The following TENM2 variants were observed in gnomAD, a reference collection of about 807,000 sequenced individuals.
TENM2 encodes teneurin transmembrane protein 2.
In TENM2, 52 loss-of-function variants were observed where a neutral mutation model predicts 245.2. The observed-to-expected ratio is 0.21, with a 90% CI of 0.17 to 0.27. The LOEUF (loss-of-function observed/expected upper bound fraction) is 0.27. TENM2 is among the 10% of genes least tolerant of loss of function. The probability of loss-of-function intolerance (pLI) is 1.00; values close to 1 mark genes in which losing one functional copy is unlikely to be tolerated. For missense variants in TENM2, 3,046 were observed against 3,666.8 expected (o/e 0.83, Z 4.37); for synonymous variants, 1,363 against 1,438.9 (o/e 0.95, Z 1.19).
rs1273475085 is a variant in TENM2, at chr5:167,624,979, T to G, written c.502+249506T>G. 5.9e-5 allele frequency among the ~76,000 whole-genome samples: 9 copies of G among 152,314 alleles called. No individual in the cohort carries two copies. The South Asian group carries it at 1.9e-3, about 32-fold the overall frequency. On this transcript the variant is annotated intron_variant, in intron 2 of 28. Transcript: ENST00000518659. The stretch of plus-strand genomic sequence containing the variant: ...CCCTCTTAACTAAGTCCACTTCCTC[T>G]TCTTTAATCACCTAGTTCTGAGTTA...
At chr5:166,984,208 A>G in the TENM2 span, among the ~76,000 whole-genome samples, 1 of 152,138 alleles carries the variant, frequency 6.6e-6, no homozygotes. Context: ...TCCAAAGAAT[A>G]AGTCATTTCT....
At position 167,806,086 on chromosome 5, in the gene TENM2, C is replaced by T. The variant is rs1016925259; in HGVS notation, c.503-69900C>T. Among the ~76,000 whole-genome samples the T allele has an allele frequency of 9.2e-5, 14 of 152,180 alleles. 1 individual carries two copies. Among genetic ancestry groups the T allele is most frequent in the East Asian group, 7.7e-4 (4 of 5,182 alleles). On this transcript the variant is annotated intron_variant, in intron 2 of 28. Coordinates refer to ENST00000518659, the Ensembl canonical transcript of TENM2. ...AGGTGCAGAAATTTAGGTAAGCCACCGGATGCCACGGTAGGCTGTGAGAGG... is the reference window on the plus strand; with the variant it reads ...AGGTGCAGAAATTTAGGTAAGCCACTGGATGCCACGGTAGGCTGTGAGAGG...
rs1786039618 is a variant in TENM2, at chr5:168,020,401, CTTGT to C, written c.1187-27023_1187-27020del. On this transcript the variant is annotated intron_variant, in intron 5 of 28. Coordinates refer to ENST00000518659, the Ensembl canonical transcript of TENM2. Reference sequence around the variant, plus strand: ...GCTTCTTGTGGAAGTTAATTTTGTGCTTGTTTAACATTTTTAATTGGCCCAACAT... The same window carrying C: ...GCTTCTTGTGGAAGTTAATTTTGTGCTTAACATTTTTAATTGGCCCAACAT... Among the ~76,000 whole-genome samples, 4 of 152,276 alleles carry C rather than the reference CTTGT, an allele frequency of 2.6e-5. No individual in the cohort carries two copies. The South Asian group carries it at 8.3e-4, about 32-fold the overall frequency.
chr5:167,709,101 C>G (rs945431720), intron 2 of TENM2, among the ~76,000 whole-genome samples: 1 of 152,114 alleles, frequency 6.6e-6, no homozygotes, highest in African/African-American at 2.4e-5. Context: ...TATGCCAGAG[C>G]TCTGGAGGAA....
chr5:168,227,513 TTTC>T (rs1764317849), intron 24 of TENM2, among the ~76,000 whole-genome samples: 2 of 149,262 alleles, frequency 1.3e-5, no homozygotes, highest in Middle Eastern at 7.0e-3. Flanking sequence ...GTCATTTGCC[TTTC>T]TTTTTTTTTT....
the TENM2 span, among the ~76,000 whole-genome samples, chr5:167,054,398 A>G: frequency 6.6e-6 from 1 of 152,102 alleles, no homozygotes; most frequent in South Asian, 2.1e-4. Context: ...ATAATATTCC[A>G]TTGTCTGGAT....
the TENM2 span, among the ~76,000 whole-genome samples, chr5:167,195,234 G>A: frequency 2.0e-5 from 3 of 152,000 alleles, no homozygotes; most frequent in African/African-American, 7.2e-5. Context: ...AGGCAGGGGG[G>A]TTTAGTGTCC....
chr5:167,531,425 C>T (rs1771489749), intron 2 of TENM2, among the ~76,000 whole-genome samples: 1 of 151,912 alleles, frequency 6.6e-6, no homozygotes, highest in South Asian at 2.1e-4. Context: ...TTTTGATATG[C>T]ATACATTGTG....
intron 2 of TENM2, among the ~76,000 whole-genome samples, chr5:167,677,603 A>G (rs1756419156): frequency 6.6e-6 from 1 of 151,600 alleles, no homozygotes; most frequent in Non-Finnish European, 1.5e-5. Context: ...AAAAAGCATC[A>G]TCATTTTGTA....
intron 2 of TENM2, among the ~76,000 whole-genome samples, chr5:167,754,276 T>C (rs1321640835): frequency 6.6e-6 from 1 of 152,058 alleles, no homozygotes; most frequent in Non-Finnish European, 1.5e-5. Flanking sequence ...TGCTTTCCAG[T>C]ACAGGAAAGG....
At chr5:167,723,559 A>T (rs1759785131) in intron 2 of TENM2, among the ~76,000 whole-genome samples, 1 of 152,170 alleles carries the variant, frequency 6.6e-6, no homozygotes, top group Admixed American at 6.5e-5. Flanking sequence ...AAGGCTGTCC[A>T]CCATTTGAAC....
the TENM2 span, among the ~76,000 whole-genome samples, chr5:167,039,335 T>C: frequency 1.1e-4 from 17 of 152,134 alleles, no homozygotes; most frequent in African/African-American, 3.6e-4. Context: ...TCAGGATTTC[T>C]TGCAGTGACC....
the TENM2 span, among the ~76,000 whole-genome samples, chr5:167,030,935 C>A: frequency 2.6e-5 from 4 of 152,192 alleles, no homozygotes; most frequent in African/African-American, 9.6e-5. Context: ...GTCCATGTAG[C>A]GGTGCGCCTA....
At chr5:168,165,469 G>C (rs998513667) in intron 13 of TENM2, among the ~76,000 whole-genome samples, 1 of 152,024 alleles carries the variant, frequency 6.6e-6, no homozygotes, top group Admixed American at 6.6e-5. Flanking sequence ...AGGAAACTCT[G>C]GGGGACTGTC....
chr5:167,606,700 G>T (rs150314040), intron 2 of TENM2, among the ~76,000 whole-genome samples: 1 of 152,114 alleles, frequency 6.6e-6, no homozygotes, highest in Non-Finnish European at 1.5e-5. Flanking sequence ...CACGAGATTT[G>T]CATTTAATGC....
chr5:167,865,453 T>C (rs1285516960), intron 2 of TENM2, among the ~76,000 whole-genome samples: 1 of 152,026 alleles, frequency 6.6e-6, no homozygotes, highest in Admixed American at 6.6e-5. Context: ...TTTGCATTTT[T>C]TATAGAGATG....
chr5:167,849,869 C>A (rs1411068454), intron 2 of TENM2, among the ~76,000 whole-genome samples: 1 of 152,126 alleles, frequency 6.6e-6, no homozygotes, highest in East Asian at 1.9e-4. Context: ...AGCTTCCATG[C>A]CTCTCCAAGT....
the TENM2 span, among the ~76,000 whole-genome samples, chr5:167,123,540 G>C: frequency 6.6e-6 from 1 of 152,250 alleles, no homozygotes; most frequent in East Asian, 1.9e-4. Flanking sequence ...AGTAAGGGAG[G>C]AGTCTAGAAT....
chr5:167,142,470 A>G, the TENM2 span, among the ~76,000 whole-genome samples: 10 of 151,474 alleles, frequency 6.6e-5, no homozygotes, highest in East Asian at 1.5e-3. Context: ...CCATATATAT[A>G]TAAATAATAA....
Sources: allele counts gnomAD v4.1 joint callset (sites outside exome capture counted in the v4.1 genomes callset), GRCh38; gene constraint gnomAD v4.1.1; transcripts MANE v1.5; gene names NCBI Gene and HGNC (gene_info 2026-07-23, HGNC 2026-07-21).